The following NCALD variants were observed in gnomAD, a reference collection of about 807,000 sequenced individuals.
The protein encoded by NCALD is neurocalcin delta.
A neutral mutation model predicts 18.6 loss-of-function variants in NCALD; 10 were observed. That is an observed-to-expected ratio of 0.54 (90% CI 0.33 to 0.91). The LOEUF is 0.91. Ranked by LOEUF, NCALD falls within the 40% of genes least tolerant of loss-of-function variation. The probability of loss-of-function intolerance (pLI) is 0.03; values close to 1 mark genes in which losing one functional copy is unlikely to be tolerated. For missense variants in NCALD, 184 were observed against 247.6 expected, an observed-to-expected ratio of 0.74 and a Z score of 1.72; for synonymous variants, 88 against 87.4, an observed-to-expected ratio of 1.01 and a Z score of -0.04.
chr8:101,692,767 AGCAGT>A lies in NCALD; in HGVS notation c.484+19_484+23del, dbSNP rs1278894926. 2 of 1,588,984 alleles carry A rather than the reference AGCAGT, an allele frequency of 1.3e-6. No individual in the cohort carries two copies. The highest frequency in any genetic ancestry group is 2.7e-5 in the African/African-American group (2 of 74,366). On this transcript the variant is annotated intron_variant, in intron 3 of 3. Coordinates refer to ENST00000220931, the MANE Select transcript of NCALD (RefSeq NM_032041.3). ...CTTCCAGCAGCCCCCATCTGAGCAAAGCAGTGTAGCCCCCGCCTCCTACCGTCTCT... is the reference window on the plus strand; with the variant it reads ...CTTCCAGCAGCCCCCATCTGAGCAAAGTAGCCCCCGCCTCCTACCGTCTCT...
Position 101,786,524 on chromosome 8 carries a change from T to C in NCALD, c.-20+4338A>G, listed in dbSNP as rs373044863. Among the ~76,000 whole-genome samples the C allele has an allele frequency of 2.1e-4, 32 of 152,304 alleles. 2 individuals carry two copies. In the South Asian group the frequency reaches 5.4e-3, roughly 26 times the overall value. On this transcript the variant is annotated intron_variant, in intron 1 of 3. Transcript: ENST00000220931. ...GTAAATATGGTCGTCACAAACCTGATCATGGTTTGAGTTATATGAATCATA... is the reference window on the plus strand; with the variant it reads ...GTAAATATGGTCGTCACAAACCTGACCATGGTTTGAGTTATATGAATCATA...
chr8:101,901,767 A>G (rs1048670901), intron 3 of NCALD, among the ~76,000 whole-genome samples: 3 of 151,066 alleles, frequency 2.0e-5, no homozygotes, highest in African/African-American at 7.3e-5. Context: ...TACTTACCCC[A>G]TTTTTATTCT....
chr8:101,707,683 C>A (rs1044394622), intron 2 of NCALD, among the ~76,000 whole-genome samples: 4 of 152,116 alleles, frequency 2.6e-5, no homozygotes, highest in Non-Finnish European at 5.9e-5. Flanking sequence ...TGAATCACAA[C>A]TAGGAGAGAA....
intron 2 of NCALD, among the ~76,000 whole-genome samples, chr8:101,980,878 T>TC (rs1205044716): frequency 6.6e-6 from 1 of 152,202 alleles, no homozygotes; most frequent in Admixed American, 6.5e-5. Flanking sequence ...TCTTCTGTCA[T>TC]CCCTAAGGCC....
intron 2 of NCALD, among the ~76,000 whole-genome samples, chr8:101,931,253 A>G (rs1818560984): frequency 6.6e-6 from 1 of 152,252 alleles, no homozygotes; most frequent in East Asian, 1.9e-4. Flanking sequence ...TTTACAAAAG[A>G]ACATGGTTAA....
chr8:102,027,902 G>A (rs1196320365), intron 1 of NCALD, among the ~76,000 whole-genome samples: 19 of 152,140 alleles, frequency 1.2e-4, no homozygotes, highest in Non-Finnish European at 1.9e-4. Flanking sequence ...ATCAGATCTT[G>A]TGAGAACTCA....
chr8:101,880,028 G>A (rs2131452735), intron 4 of NCALD, among the ~76,000 whole-genome samples: 1 of 151,426 alleles, frequency 6.6e-6, no homozygotes, highest in East Asian at 2.0e-4. Context: ...CCGTGGAGCA[G>A]AGGGCTGCGC....
intron 1 of NCALD, among the ~76,000 whole-genome samples, chr8:102,082,521 A>T (rs1253790762): frequency 6.6e-6 from 1 of 152,156 alleles, no homozygotes; most frequent in Non-Finnish European, 1.5e-5. Flanking sequence ...AGCATCCACA[A>T]CCGGCCACCT....
chr8:101,945,521 C>G (rs1430854242), intron 2 of NCALD, among the ~76,000 whole-genome samples: 1 of 152,174 alleles, frequency 6.6e-6, no homozygotes, highest in Non-Finnish European at 1.5e-5. Context: ...GAGTTGCTAT[C>G]AGCCAAACTC....
intron 2 of NCALD, among the ~76,000 whole-genome samples, chr8:101,943,502 C>T (rs1239523895): frequency 2.6e-5 from 4 of 152,108 alleles, no homozygotes; most frequent in African/African-American, 4.8e-5. Context: ...CAGAAGAAAA[C>T]CAGCTCATGA....
At chr8:101,999,958 C>T (rs139532459) in intron 2 of NCALD, among the ~76,000 whole-genome samples, 170 of 152,210 alleles carry the variant, frequency 1.1e-3, no homozygotes, top group Admixed American at 2.5e-3. Context: ...CCTGCATGAG[C>T]GACGCAGAAG....
chr8:102,068,905 A>C (rs1169584735), intron 1 of NCALD, among the ~76,000 whole-genome samples: 1 of 152,248 alleles, frequency 6.6e-6, no homozygotes, highest in Non-Finnish European at 1.5e-5. Flanking sequence ...GGAAGACATT[A>C]TGCTAAGTGA....
chr8:101,891,136 T>C (rs1161138230), intron 3 of NCALD, among the ~76,000 whole-genome samples: 1 of 152,048 alleles, frequency 6.6e-6, no homozygotes, highest in Non-Finnish European at 1.5e-5. Context: ...AACCCATATG[T>C]AATTTTTTTT....
chr8:101,752,686 A>G (rs1810711035), intron 1 of NCALD, among the ~76,000 whole-genome samples: 1 of 152,244 alleles, frequency 6.6e-6, no homozygotes, highest in Admixed American at 6.5e-5. Context: ...ACGGACCATA[A>G]GGTAGAAAAA....
intron 2 of NCALD, among the ~76,000 whole-genome samples, chr8:101,971,635 T>G (rs552812419): frequency 6.6e-6 from 1 of 152,166 alleles, no homozygotes; most frequent in African/African-American, 2.4e-5. Flanking sequence ...CCTCTTTCCT[T>G]TATAAATTTC....
At chr8:101,735,766 C>T (rs1809881030) in intron 1 of NCALD, among the ~76,000 whole-genome samples, 1 of 152,194 alleles carries the variant, frequency 6.6e-6, no homozygotes, top group Non-Finnish European at 1.5e-5. Flanking sequence ...TTTATATTTC[C>T]ACAGTCTAAG....
intron 1 of NCALD, among the ~76,000 whole-genome samples, chr8:101,776,376 A>G (rs993478887): frequency 1.3e-5 from 2 of 152,192 alleles, no homozygotes; most frequent in Non-Finnish European, 2.9e-5. Context: ...TGCTTTGTGA[A>G]TAGAATAACA....
chr8:101,817,366 C>T (rs1035530434), intron 4 of NCALD, among the ~76,000 whole-genome samples: 1 of 152,148 alleles, frequency 6.6e-6, no homozygotes, highest in African/African-American at 2.4e-5. Context: ...AAAGTTCATG[C>T]CTTGGAGTTT....
intron 2 of NCALD, among the ~76,000 whole-genome samples, chr8:101,988,095 C>T (rs886665775): frequency 1.5e-5 from 2 of 132,140 alleles, no homozygotes; most frequent in Non-Finnish European, 3.1e-5. Flanking sequence ...GCGGAGCTTG[C>T]GGTGAGCCGA....
Sources: gnomAD v4.1 joint callset for allele counts (sites outside exome capture counted in the v4.1 genomes callset) on GRCh38, gnomAD v4.1.1 for gene constraint, MANE v1.5 for transcripts, NCBI Gene and HGNC (gene_info 2026-07-23, HGNC 2026-07-21) for gene names.